RAB27B: variants seen among roughly 807,000 people sequenced by gnomAD.
The protein encoded by RAB27B is RAB27B, member RAS oncogene family, also known as ras-related protein Rab-27B.
RAB27B carries 15 observed loss-of-function variants against 24.6 expected under a neutral mutation model. The ratio of observed to expected loss-of-function variants is 0.61; its 90% CI spans 0.41 to 0.94. RAB27B has a LOEUF of 0.94. Among genes scored for constraint, RAB27B ranks in the 40% least tolerant of loss-of-function variants. RAB27B has a pLI of 0.00. For synonymous variants in RAB27B, 105 were observed against 92.5 expected (o/e 1.14, Z -0.78); for missense variants, 261 against 266.8 (o/e 0.98, Z 0.15).
intron 1 of RAB27B, among the ~76,000 whole-genome samples, chr18:54,839,107 T>C (rs1258175205): frequency 6.6e-6 from 1 of 152,108 alleles, no homozygotes; most frequent in African/African-American, 2.4e-5. Context: ...TAATGACTAT[T>C]TGACATGGTT....
chr18:54,886,269 C>G (rs756690929), intron 4 of RAB27B, among the ~76,000 whole-genome samples: 16 of 152,112 alleles, frequency 1.1e-4, no homozygotes, highest in Non-Finnish European at 2.2e-4. Context: ...TTTTGGTTTA[C>G]TTGTGTTTTT....
At chr18:54,796,073 G>C (rs932828762) in intron 2 of RAB27B, among the ~76,000 whole-genome samples, 1 of 152,132 alleles carries the variant, frequency 6.6e-6, no homozygotes, top group Non-Finnish European at 1.5e-5. Context: ...TATTACTATA[G>C]ACTGGTGAAA....
chr18:54,846,056 C>T (rs1268061468), intron 1 of RAB27B, among the ~76,000 whole-genome samples: 3 of 152,132 alleles, frequency 2.0e-5, no homozygotes, highest in Non-Finnish European at 4.4e-5. Flanking sequence ...ATGTTTTTCA[C>T]ATTTTTGTCC....
chr18:54,802,336 C>T (rs1196973094), intron 2 of RAB27B, among the ~76,000 whole-genome samples: 1 of 151,960 alleles, frequency 6.6e-6, no homozygotes, highest in Non-Finnish European at 1.5e-5. Context: ...TTAGCCAGTG[C>T]TTGGGGTACT....
intron 2 of RAB27B, among the ~76,000 whole-genome samples, chr18:54,727,277 A>T (rs979153106): frequency 5.9e-5 from 9 of 152,186 alleles, no homozygotes; most frequent in African/African-American, 1.7e-4. Context: ...CCCAGCCCAG[A>T]ATTTATATAT....
intron 1 of RAB27B, among the ~76,000 whole-genome samples, chr18:54,869,491 C>T (rs1194276235): frequency 6.6e-6 from 1 of 152,136 alleles, no homozygotes; most frequent in African/African-American, 2.4e-5. Flanking sequence ...TCAAGGTTCA[C>T]TAGAAATTGA....
chr18:54,758,025 G>A (rs986951054), intron 2 of RAB27B, among the ~76,000 whole-genome samples: 5 of 152,116 alleles, frequency 3.3e-5, no homozygotes, highest in Non-Finnish European at 7.3e-5. Flanking sequence ...CTAGGCTGGA[G>A]TGCAGTGGTG....
chr18:54,785,457 T>TG (rs1909055150), intron 2 of RAB27B, among the ~76,000 whole-genome samples: 1 of 149,032 alleles, frequency 6.7e-6, no homozygotes, highest in East Asian at 2.0e-4. Context: ...TTTTTTTTTT[T>TG]TCCAAAATGC....
At chr18:54,801,632 C>A (rs527880245) in intron 2 of RAB27B, among the ~76,000 whole-genome samples, 6 of 152,186 alleles carry the variant, frequency 3.9e-5, no homozygotes, top group South Asian at 4.1e-4. Flanking sequence ...GGGAAGTTGT[C>A]CAGTACATTT....
At position 54,895,030 on chromosome 18, in the gene RAB27B, C is replaced by A. The variant is rs1259434921; in HGVS notation, c.*5617C>A. 1 of 151,962 alleles carries A rather than the reference C, an allele frequency of 6.6e-6. No individual in the cohort carries two copies. The highest frequency in any genetic ancestry group is 1.5e-5 in the Non-Finnish European group (1 of 67,950). The allele number at this position is 151,962 out of a possible 1,614,324, so 9.4% of individuals were successfully genotyped here. ...TATATTACAAGTTGGTCAAAATATT[C>A]CATGTACAAATAGGGCTTCTGTGTC... On this transcript the variant is annotated 3_prime_UTR_variant, in exon 6 of 6. Coordinates refer to ENST00000262094, the MANE Select transcript of RAB27B (RefSeq NM_004163.4).
intron 2 of RAB27B, among the ~76,000 whole-genome samples, chr18:54,779,625 A>C (rs1368115535): frequency 2.6e-5 from 4 of 152,160 alleles, no homozygotes; most frequent in Non-Finnish European, 1.5e-5. Flanking sequence ...AGTTGGAAAA[A>C]ATAGGTCAGT....
intron 1 of RAB27B, among the ~76,000 whole-genome samples, chr18:54,851,677 C>CT (rs772131811): frequency 3.3e-5 from 5 of 151,920 alleles, no homozygotes; most frequent in East Asian, 1.9e-4. Context: ...TGTTTGTCTG[C>CT]TTTTTTTTCT....
At chr18:54,764,192 C>T (rs1243904577) in intron 2 of RAB27B, among the ~76,000 whole-genome samples, 2 of 152,188 alleles carry the variant, frequency 1.3e-5, no homozygotes, top group Admixed American at 6.6e-5. Flanking sequence ...TGCATTGCCT[C>T]ATTGTGTCAC....
At chr18:54,796,121 CAG>C (rs1238264271) in intron 2 of RAB27B, among the ~76,000 whole-genome samples, 5 of 152,124 alleles carry the variant, frequency 3.3e-5, no homozygotes, top group South Asian at 2.1e-4. Flanking sequence ...AGATGTGTGA[CAG>C]GGGTGGCTCG....
intron 2 of RAB27B, among the ~76,000 whole-genome samples, chr18:54,791,099 T>C (rs919705936): frequency 1.3e-5 from 2 of 152,012 alleles, no homozygotes; most frequent in Non-Finnish European, 2.9e-5. Context: ...TCCAAGAAGG[T>C]ATTATTTGTC....
chr18:54,813,946 C>T (rs1910044928), intron 2 of RAB27B, among the ~76,000 whole-genome samples: 1 of 152,176 alleles, frequency 6.6e-6, no homozygotes, highest in African/African-American at 2.4e-5. Flanking sequence ...TAGCCAAGCT[C>T]TTTCAACTCT....
chr18:54,817,607 T>C (rs192248674), intron 2 of RAB27B, among the ~76,000 whole-genome samples: 40 of 152,254 alleles, frequency 2.6e-4, no homozygotes, highest in African/African-American at 8.9e-4. Context: ...TATCCAAGTA[T>C]ACCAAGTATT....
chr18:54,785,436 G>GC (rs766515825), intron 2 of RAB27B, among the ~76,000 whole-genome samples: 1 of 101,698 alleles, frequency 9.8e-6, no homozygotes, highest in Non-Finnish European at 1.8e-5. Flanking sequence ...CCTTCCTCAG[G>GC]TTTTTTTTTT....
chr18:54,822,690 ACTTTT>A lies in RAB27B; in HGVS notation c.-19-54873_-19-54869del, dbSNP rs144047326. Among the ~76,000 whole-genome samples, 1,041 of 152,218 alleles carry A rather than the reference ACTTTT, an allele frequency of 6.8e-3. 7 individuals are homozygous for A. The highest frequency in any genetic ancestry group is 0.01 in the Non-Finnish European group (688 of 68,010). ...TATTTGCTTAGTTCTTATTTTTATA[ACTTTT>A]CTTCTCTTTAACTAGTTTTTAAAAT... On this transcript the variant is annotated intron_variant, in intron 2 of 4. Transcript: ENST00000586570.
Sources: allele counts gnomAD v4.1 joint callset (sites outside exome capture counted in the v4.1 genomes callset), GRCh38; gene constraint gnomAD v4.1.1; transcripts MANE v1.5; gene names NCBI Gene and HGNC (gene_info 2026-07-23, HGNC 2026-07-21).